EIF3L: variants seen among roughly 807,000 people sequenced by gnomAD.
EIF3L encodes the protein eIEF associated protein HSPC021.
In EIF3L, 32 loss-of-function variants were observed where a neutral mutation model predicts 74.6. The ratio of observed to expected loss-of-function variants is 0.43; its 90% CI spans 0.32 to 0.58. The LOEUF is 0.58. Among genes scored for constraint, EIF3L ranks in the 20% least tolerant of loss-of-function variants. The pLI, the probability that EIF3L is intolerant of heterozygous loss-of-function variation, is 0.06. For missense variants in EIF3L, 474 were observed against 707.8 expected (o/e 0.67, Z 3.75); for synonymous variants, 256 against 254.4 (o/e 1.01, Z -0.06).
chr22:37,862,807 A>G (rs970134286), intron 5 of EIF3L, among the ~76,000 whole-genome samples, 162 bp from the exon 6 acceptor site: 4 of 152,324 alleles, frequency 2.6e-5, no homozygotes, highest in Non-Finnish European at 4.4e-5. Context: ...GTCAGCTGCT[A>G]TAGGACTTTC....
rs745650688 is a variant in EIF3L at position 37,849,445 on chromosome 22, C to T, written c.-5C>T. The T allele has an allele frequency of 7.4e-6, 12 of 1,613,520 alleles. No individual in the cohort carries two copies. The highest frequency in any genetic ancestry group is 5.3e-5 in the African/African-American group (4 of 74,924). ...TTTCCGGCGGTGCTCGCAAGCGAGG[C>T]AGCCATGTCTTATCCCGCTGATGAT... On this transcript the variant is annotated 5_prime_UTR_variant, in exon 1 of 13. Transcript: ENST00000652021.
chr22:37,849,477 T>G lies in EIF3L; in HGVS notation c.28T>G (p.Ser10Ala), dbSNP rs1925036331. 2 of 1,605,980 alleles carry G rather than the reference T, an allele frequency of 1.2e-6. No individual in the cohort carries two copies. The highest frequency in any genetic ancestry group is 2.2e-5 in the South Asian group (2 of 90,500). Residue 10 changes from serine (S) to alanine (A), a missense_variant, in exon 1 of 13, where the codon TCT becomes GCT. By Grantham distance (99) the Ser-to-Ala change is moderately conservative (BLOSUM62 1). Around this residue, in one of 4 missense-constraint regions of EIF3L, gnomAD observed 39 missense variants for 24.2 expected, o/e 1.61. Transcript: ENST00000652021. The stretch of plus-strand genomic sequence containing the variant: ...GTCTTATCCCGCTGATGATTATGAG[T>G]CTGAGGTAAGGTGGCCGTAAGGGCG... MSYPADDYE[S>A]EAAYDPYAYP...
intron 3 of EIF3L, among the ~76,000 whole-genome samples, chr22:37,855,165 T>A (rs368873974): frequency 6.6e-6 from 1 of 152,172 alleles, no homozygotes; most frequent in African/African-American, 2.4e-5. Flanking sequence ...TGTTGTGGCC[T>A]TGGACTGCAG....
chr22:37,886,034 T>TA (rs1371867307), intron 11 of EIF3L: 4 of 150,934 alleles, frequency 2.7e-5, no homozygotes, highest in Admixed American at 2.0e-4. Flanking sequence ...ACTAAAAACA[T>TA]ACAAAAAAAA....
intron 3 of EIF3L, 148 bp from the exon 4 acceptor site, chr22:37,855,417 G>A (rs984842474): frequency 2.5e-5 from 16 of 634,956 alleles, no homozygotes; most frequent in Non-Finnish European, 3.3e-5. Context: ...GTTGGGTTGA[G>A]GACAGTTGTG....
rs1453577190 is a variant in EIF3L, at chr22:37,870,217, G to A, written c.621G>A (p.Lys207=). 1 of 1,613,644 alleles carries A rather than the reference G, an allele frequency of 6.2e-7. No individual in the cohort carries two copies. The highest frequency in any genetic ancestry group is 1.7e-5 in the Admixed American group (1 of 59,942). The part of the protein sequence containing the change: ...FSQYRCKTAK[K]SEEEIDFLRS... ...AGTACCGCTGTAAGACTGCCAAGAA[G>A]TCAGAGGAGGAGATTGACTTTCTTC... Residue 207 remains lysine (K), a synonymous_variant, in exon 8 of 13, where the codon AAG becomes AAA. Coordinates refer to ENST00000652021, the MANE Select transcript of EIF3L (RefSeq NM_016091.4).
intron 3 of EIF3L, among the ~76,000 whole-genome samples, chr22:37,853,776 C>T (rs370054004): frequency 6.6e-6 from 1 of 151,806 alleles, no homozygotes; most frequent in Middle Eastern, 3.2e-3. Flanking sequence ...TTAAAGTTTC[C>T]TAAATCCAGT....
intron 11 of EIF3L, chr22:37,881,632 C>G (rs995314331): frequency 6.6e-6 from 1 of 152,120 alleles, no homozygotes; most frequent in Admixed American, 6.6e-5. Context: ...TGGTCTCGAA[C>G]TCCCGCCCTC....
chr22:37,852,055 TG>T (rs1463240250), intron 3 of EIF3L, among the ~76,000 whole-genome samples: 2 of 152,108 alleles, frequency 1.3e-5, no homozygotes, highest in African/African-American at 4.8e-5. Context: ...GTACCCCCGT[TG>T]GCCTCCCAGA....
At chr22:37,849,577 G>T in intron 1 of EIF3L, 95 bp downstream of exon 1, 3 of 1,389,464 alleles carry the variant, frequency 2.2e-6, no homozygotes, top group Non-Finnish European at 2.9e-6. Context: ...TCCGGGTCGC[G>T]GCCAGCTCCG....
rs781724982 is a variant in EIF3L at position 37,886,802 on chromosome 22, G to C, written c.1613G>C (p.Arg538Pro). 1 of 1,611,678 alleles carries C rather than the reference G, an allele frequency of 6.2e-7. No individual in the cohort carries two copies. Among genetic ancestry groups the C allele is most frequent in the Non-Finnish European group, 8.5e-7 (1 of 1,178,402 alleles). The part of the protein sequence containing the change: ...IHIADTKVAR[R>P]YGDFFIRQIH... ...ATCGCGGACACCAAGGTCGCCAGGC[G>C]TTATGGGGATTTCTTCATCCGTCAG... The change falls in exon 12 of 13, where the codon CGT becomes CCT. Residue 538 changes from arginine (R) to proline (P), a missense_variant. By Grantham distance (103) the Arg-to-Pro change is moderately radical (BLOSUM62 -2). Coordinates refer to ENST00000652021, the MANE Select transcript of EIF3L (RefSeq NM_016091.4).
intron 8 of EIF3L, among the ~76,000 whole-genome samples, chr22:37,872,284 C>G (rs1399580343): frequency 1.3e-5 from 2 of 152,020 alleles, no homozygotes; most frequent in African/African-American, 4.8e-5. Flanking sequence ...GCCACCACGC[C>G]GGGCTGATTT....
intron 6 of EIF3L, 49 bp from the exon 7 acceptor site, chr22:37,863,223 G>T: frequency 6.6e-7 from 1 of 1,504,018 alleles, no homozygotes; most frequent in East Asian, 2.3e-5. Context: ...CCTACAGAAT[G>T]GGCAGAGTCA....
intron 4 of EIF3L, among the ~76,000 whole-genome samples, chr22:37,856,744 G>A (rs982321325): frequency 3.3e-5 from 5 of 151,802 alleles, no homozygotes; most frequent in Non-Finnish European, 2.9e-5. Flanking sequence ...CTTGGGAGGT[G>A]GAGGCAGGAG....
At chr22:37,866,750 C>T (rs1926171689) in intron 7 of EIF3L, among the ~76,000 whole-genome samples, 1 of 152,028 alleles carries the variant, frequency 6.6e-6, no homozygotes, top group Admixed American at 6.6e-5. Flanking sequence ...TGCGCCACTG[C>T]ACTCCAGCCT....
chr22:37,876,424 C>T (rs1926756176), intron 10 of EIF3L: 1 of 154,464 alleles, frequency 6.5e-6, no homozygotes, highest in Non-Finnish European at 1.4e-5. Context: ...CCTTAGCCTC[C>T]TGAGTAGCTG....
chr22:37,877,788 A>G lies in EIF3L; in HGVS notation c.1192A>G (p.Met398Val), dbSNP rs768031159. 2.0e-5 allele frequency: 32 copies of G among 1,613,730 alleles called. No individual in the cohort carries two copies. Among genetic ancestry groups the G allele is most frequent in the African/African-American group, 2.7e-5 (2 of 74,852 alleles). ...LQLREKYGDK[M>V]LRMQKGDPQV... ...GCTGCGGGAGAAATATGGGGACAAG[A>G]TGTTGCGCATGCAGAAAGGTGACCC... is the stretch of plus-strand genomic sequence containing the variant. The change falls in exon 11 of 13, where the codon ATG (methionine) becomes GTG (valine). Residue 398 changes from methionine to valine, a missense_variant. By Grantham distance (21) the Met-to-Val change is conservative. Around this residue, in one of 4 missense-constraint regions of EIF3L, gnomAD observed 293 missense variants for 469.1 expected, o/e 0.62. Transcript: ENST00000652021.
intron 4 of EIF3L, among the ~76,000 whole-genome samples, chr22:37,855,948 T>A (rs1925477948): frequency 6.6e-6 from 1 of 152,216 alleles, no homozygotes; most frequent in Non-Finnish European, 1.5e-5. Flanking sequence ...TTGACTTTCT[T>A]AGATGATGTC....
At chr22:37,865,608 C>T (rs148144379) in intron 7 of EIF3L, among the ~76,000 whole-genome samples, 3 of 152,184 alleles carry the variant, frequency 2.0e-5, no homozygotes, top group Non-Finnish European at 4.4e-5. Context: ...ACCAGGGAGA[C>T]GTTGTGTATA....
Sources: allele counts gnomAD v4.1 joint callset (sites outside exome capture counted in the v4.1 genomes callset), GRCh38; gene constraint gnomAD v4.1.1; regional missense constraint gnomAD v4.1.1; transcripts MANE v1.5; gene names NCBI Gene and HGNC (gene_info 2026-07-23, HGNC 2026-07-21).